Variants in PCDHGA4 observed in about 807,000 individuals in gnomAD.
PCDHGA4 encodes protocadherin gamma-A4.
In PCDHGA4, 38 loss-of-function variants were observed where a neutral mutation model predicts 54.6. The observed-to-expected ratio is 0.70, with a 90% CI of 0.54 to 0.91. The LOEUF (loss-of-function observed/expected upper bound fraction) is 0.91, where lower values mean the gene tolerates loss of function less well. Among genes scored for constraint, PCDHGA4 ranks in the 40% least tolerant of loss-of-function variants. PCDHGA4 has a pLI of 0.00. For synonymous variants in PCDHGA4, 511 were observed against 512.9 expected, an observed-to-expected ratio of 1.00 and a Z score of 0.05; for missense variants, 1,298 against 1,220.9, an observed-to-expected ratio of 1.06 and a Z score of -0.94.
intron 1 of PCDHGA4, among the ~76,000 whole-genome samples, chr5:141,462,399 T>C (rs2099038838): frequency 6.6e-6 from 1 of 152,236 alleles, no homozygotes; most frequent in South Asian, 2.1e-4. Flanking sequence ...ATTTCTTTTA[T>C]GGCACAGAAT....
chr5:141,423,174 C>T (rs1203454000), intron 1 of PCDHGA4: 1 of 1,613,484 alleles, frequency 6.2e-7, no homozygotes, highest in South Asian at 1.1e-5. Flanking sequence ...CCGTCCAGGA[C>T]CACGGCCAGC....
chr5:141,420,271 A>G, intron 1 of PCDHGA4: 1 of 1,536,584 alleles, frequency 6.5e-7, no homozygotes, highest in Non-Finnish European at 8.8e-7. Flanking sequence ...AGATTCTTAA[A>G]CAGGTAAGTA....
rs150106838 is a variant in PCDHGA4, at chr5:141,503,886, T to C, written c.2574-1507T>C. On this transcript the variant is annotated intron_variant, in intron 2 of 3. Coordinates refer to ENST00000571252, the MANE Select transcript of PCDHGA4 (RefSeq NM_018917.4). Reference sequence around the variant, plus strand: ...AGTTCTTGGTTGTGCTCACCCACCATGACAAAATATGCACACACACAACGC... The same window carrying C: ...AGTTCTTGGTTGTGCTCACCCACCACGACAAAATATGCACACACACAACGC... Among the ~76,000 whole-genome samples, 20 of 152,290 alleles carry C rather than the reference T, an allele frequency of 1.3e-4. No individual in the cohort carries two copies. The South Asian group carries it at 3.9e-3, about 30-fold the overall frequency.
intron 1 of PCDHGA4, among the ~76,000 whole-genome samples, chr5:141,434,579 A>T (rs931282309): frequency 6.6e-6 from 1 of 152,232 alleles, no homozygotes; most frequent in African/African-American, 2.4e-5. Context: ...CCTGCTGCAG[A>T]TAACTACCTC....
intron 1 of PCDHGA4, chr5:141,410,596 T>C: frequency 1.2e-6 from 2 of 1,608,810 alleles, no homozygotes; most frequent in Non-Finnish European, 1.7e-6. Flanking sequence ...AGGATTTGAC[T>C]TCACATCCTG....
At chr5:141,428,333 T>A in intron 1 of PCDHGA4, 1 of 618,518 alleles carries the variant, frequency 1.6e-6, no homozygotes, top group Non-Finnish European at 2.9e-6. Context: ...ATTTCTATGC[T>A]CTTCTTCCTC....
At position 141,356,585 on chromosome 5, in the gene PCDHGA4, C is replaced by T. The variant is rs11575950; in HGVS notation, c.1478C>T (p.Pro493Leu). 9 of 1,614,174 alleles carry T rather than the reference C, an allele frequency of 5.6e-6. 1 individual carries two copies. The South Asian group carries it at 9.9e-5, about 18-fold the overall frequency. ...CATGCTTCCTACTCTGCTTACATTC[C>T]TGAAAACAACCCCAGAGGAGCCTCC... is the stretch of plus-strand genomic sequence containing the variant. ...FPHASYSAYI[P>L]ENNPRGASIL... Residue 493 changes from proline to leucine, a missense_variant, in exon 1 of 4, where the codon CCT (proline) becomes CTT (leucine). By Grantham distance (98) the Pro-to-Leu change is moderately conservative. Coordinates refer to ENST00000571252, the MANE Select transcript of PCDHGA4 (RefSeq NM_018917.4).
chr5:141,473,763 G>A (rs1333191998), intron 1 of PCDHGA4, among the ~76,000 whole-genome samples: 1 of 152,204 alleles, frequency 6.6e-6, no homozygotes, highest in African/African-American at 2.4e-5. Context: ...ACTATGCAAA[G>A]GATTTGGTAT....
chr5:141,370,142 C>T, intron 1 of PCDHGA4: 2 of 430,642 alleles, frequency 4.6e-6, no homozygotes, highest in Non-Finnish European at 8.1e-6. Flanking sequence ...GATTTAGTCA[C>T]CATTACTGCA....
At chr5:141,383,723 G>A in intron 1 of PCDHGA4, 1 of 1,613,946 alleles carries the variant, frequency 6.2e-7, no homozygotes. Context: ...GGAGTCAATG[G>A]GGAAGTGACA....
intron 1 of PCDHGA4, chr5:141,414,152 A>G (rs1251267001): frequency 1.9e-6 from 3 of 1,600,994 alleles, no homozygotes; most frequent in Non-Finnish European, 2.6e-6. Context: ...ATACAAGCAG[A>G]AGATGGAGGA....
chr5:141,364,248 G>A, intron 1 of PCDHGA4: 1 of 1,480,674 alleles, frequency 6.8e-7, no homozygotes. Context: ...TTTCGTCAGG[G>A]AATATGTACC....
At chr5:141,415,738 AGGTTTTT>A in intron 1 of PCDHGA4, 2 of 538,082 alleles carry the variant, frequency 3.7e-6, no homozygotes, top group Non-Finnish European at 5.4e-6. Flanking sequence ...ATGTTTATTA[AGGTTTTT>A]TTTTTTTTTT....
At chr5:141,385,964 C>T (rs1037246180) in intron 1 of PCDHGA4, 2 of 152,126 alleles carry the variant, frequency 1.3e-5, no homozygotes, top group South Asian at 2.1e-4. Context: ...TAAAGGCCAT[C>T]GGACAAAACC....
chr5:141,395,409 T>G, intron 1 of PCDHGA4: 1 of 813,990 alleles, frequency 1.2e-6, no homozygotes, highest in East Asian at 2.8e-5. Context: ...AGTCATAGGT[T>G]ATTGTTTCAT....
chr5:141,474,985 C>T (rs2099357651), intron 1 of PCDHGA4, among the ~76,000 whole-genome samples: 1 of 152,202 alleles, frequency 6.6e-6, no homozygotes, highest in Non-Finnish European at 1.5e-5. Context: ...TGTTTGGTGA[C>T]AACAATTCTA....
intron 1 of PCDHGA4, chr5:141,392,803 G>A: frequency 6.4e-7 from 1 of 1,573,156 alleles, no homozygotes. Context: ...GGATTCTGCA[G>A]CAAAACAACA....
In PCDHGA4 at chr5:141,511,149, G is replaced by T; in HGVS notation, c.2865G>T (p.Lys955Asn). The change falls in exon 4 of 4, where the codon AAG becomes AAT. Residue 955 changes from lysine to asparagine, a missense_variant. By Grantham distance (94) the Lys-to-Asn change is moderately conservative. Transcript: ENST00000571252. ...APAGGNGNKKKSGKKEKK is the reference protein window; with the variant it reads ...APAGGNGNKKNSGKKEKK The stretch of plus-strand genomic sequence containing the variant: ...CAGGTGGCAATGGCAACAAGAAGAA[G>T]TCGGGCAAGAAGGAGAAGAAGTAAC... 1 of 1,614,176 alleles carries T rather than the reference G, an allele frequency of 6.2e-7. No homozygotes were observed. The highest frequency in any genetic ancestry group is 8.5e-7 in the Non-Finnish European group (1 of 1,179,998).
chr5:141,374,157 G>A (rs1394990278), intron 1 of PCDHGA4: 1 of 1,612,216 alleles, frequency 6.2e-7, no homozygotes, highest in African/African-American at 1.3e-5. Flanking sequence ...ACGCTGTGGG[G>A]GGCCGCGGCA....
Sources: gnomAD v4.1 joint callset for allele counts (sites outside exome capture counted in the v4.1 genomes callset) on GRCh38, gnomAD v4.1.1 for gene constraint, MANE v1.5 for transcripts, NCBI Gene and HGNC (gene_info 2026-07-23, HGNC 2026-07-21) for gene names.